TNRC6A: variants seen among roughly 807,000 people sequenced by gnomAD.
TNRC6A encodes trinucleotide repeat-containing gene 6A protein.
Under a neutral mutation model 221.2 loss-of-function variants are expected in TNRC6A, and 44 were observed. The ratio of observed to expected loss-of-function variants is 0.20; its 90% CI spans 0.16 to 0.26. TNRC6A has a LOEUF of 0.26. TNRC6A is among the 10% of genes least tolerant of loss of function. The probability of loss-of-function intolerance (pLI) is 1.00; values close to 1 mark genes in which losing one functional copy is unlikely to be tolerated. For synonymous variants in TNRC6A, 847 were observed against 838.5 expected (o/e 1.01, Z -0.18); for missense variants, 2,199 against 2,404.4 (o/e 0.91, Z 1.79).
intron 1 of TNRC6A, among the ~76,000 whole-genome samples, chr16:24,626,402 C>A (rs1045809672): frequency 1.3e-5 from 2 of 151,992 alleles, no homozygotes; most frequent in African/African-American, 4.8e-5. Flanking sequence ...AGAAGCTGCC[C>A]GCATGACTCA....
intron 2 of TNRC6A, among the ~76,000 whole-genome samples, chr16:24,735,292 G>A (rs554542594): frequency 1.3e-4 from 20 of 152,136 alleles, no homozygotes; most frequent in Admixed American, 3.3e-4. Context: ...AGAAAGAAAA[G>A]AAATGACTAG....
intron 2 of TNRC6A, among the ~76,000 whole-genome samples, chr16:24,693,251 T>G (rs1286700651): frequency 6.0e-5 from 9 of 150,818 alleles, no homozygotes; most frequent in Non-Finnish European, 1.3e-4. Context: ...GTCCAGGAGT[T>G]CAAGACCAGC....
chr16:24,677,828 T>C (rs1038993735), intron 2 of TNRC6A, among the ~76,000 whole-genome samples: 1 of 152,194 alleles, frequency 6.6e-6, no homozygotes, highest in Non-Finnish European at 1.5e-5. Context: ...ACCTCTTCCC[T>C]TGAACTGTTT....
rs1042113561 is a variant in TNRC6A, at chr16:24,729,754, G to C, written c.-88G>C. The C allele has an allele frequency of 3.0e-6, 4 of 1,334,934 alleles. No individual in the cohort carries two copies. In the East Asian group the frequency reaches 1.3e-4, roughly 42 times the overall value. The allele number at this position is 1,334,934 out of a possible 1,614,324, so 82.7% of individuals were successfully genotyped here. A position where few individuals can be genotyped will look rare whatever the true frequency, so the allele number is the denominator to read the frequency against. ...TGTAGAAAATGGCGCTGGTGCAGCG[G>C]CTCGGGCCTCTCCCCGCGGCGCTGC... On this transcript the variant is annotated 5_prime_UTR_variant, in exon 1 of 25. Coordinates refer to ENST00000395799, the MANE Select transcript of TNRC6A (RefSeq NM_014494.4).
intron 18 of TNRC6A, among the ~76,000 whole-genome samples, chr16:24,813,445 C>G (rs573954496): frequency 1.1e-4 from 17 of 152,308 alleles, no homozygotes; most frequent in African/African-American, 3.6e-4. Context: ...TTGATTTTCT[C>G]TTTAGTTCAC....
chr16:24,798,288 A>G (rs928460834), intron 11 of TNRC6A, among the ~76,000 whole-genome samples: 2 of 152,156 alleles, frequency 1.3e-5, no homozygotes, highest in Admixed American at 6.5e-5. Flanking sequence ...ACTATACTGG[A>G]GGAATGGCAA....
chr16:24,711,152 G>T (rs1020993452), intron 2 of TNRC6A, among the ~76,000 whole-genome samples: 1 of 152,050 alleles, frequency 6.6e-6, no homozygotes, highest in African/African-American at 2.4e-5. Context: ...TGGGATTACA[G>T]GCGCGCATTG....
rs75997926 is a variant in TNRC6A, at chr16:24,818,710, G to T, written c.5080+10G>T. On this transcript the variant is annotated intron_variant, in intron 21 of 24. Transcript: ENST00000395799. ...GCACAAAGCACTTCAGGTGGGCCTCGCCTTCGCTCAGGAAGGGAGGGTTGG... is the reference window on the plus strand; with the variant it reads ...GCACAAAGCACTTCAGGTGGGCCTCTCCTTCGCTCAGGAAGGGAGGGTTGG... The T allele has an allele frequency of 5.8e-3, 9,256 of 1,608,494 alleles. 467 individuals carry two copies. In the African/African-American group the frequency reaches 0.11, roughly 19 times the overall value.
At chr16:24,768,066 T>A (rs994003915) in intron 4 of TNRC6A, among the ~76,000 whole-genome samples, 1 of 152,194 alleles carries the variant, frequency 6.6e-6, no homozygotes, top group East Asian at 1.9e-4. Flanking sequence ...TAAGCAAATT[T>A]GAAGAGAGCC....
chr16:24,667,538 T>C (rs1282322023), intron 2 of TNRC6A, among the ~76,000 whole-genome samples: 1 of 152,120 alleles, frequency 6.6e-6, no homozygotes, highest in Non-Finnish European at 1.5e-5. Flanking sequence ...GTGACCACAA[T>C]GTGACAGACA....
chr16:24,632,711 T>G (rs879234729), intron 1 of TNRC6A, among the ~76,000 whole-genome samples: 1 of 151,978 alleles, frequency 6.6e-6, no homozygotes, highest in African/African-American at 2.4e-5. Flanking sequence ...GTCTTCACAT[T>G]AAAAATAAAA....
intron 22 of TNRC6A, chr16:24,821,771 A>T (rs938611502): frequency 1.0e-5 from 4 of 393,714 alleles, no homozygotes; most frequent in Non-Finnish European, 1.9e-5. Context: ...ACCGTTTGAG[A>T]TTATTTTAGC....
intron 5 of TNRC6A, chr16:24,778,381 G>C (rs2057770858): frequency 4.1e-6 from 4 of 984,780 alleles, no homozygotes; most frequent in Non-Finnish European, 4.8e-6. Context: ...ATCAAGATCT[G>C]TCTGACTCCA....
chr16:24,656,506 C>T (rs2054917838), intron 2 of TNRC6A, among the ~76,000 whole-genome samples: 1 of 149,592 alleles, frequency 6.7e-6, no homozygotes, highest in Non-Finnish European at 1.5e-5. Context: ...AAAAGAAGTA[C>T]ATATGCTTTT....
chr16:24,758,881 C>G (rs1279969318), intron 4 of TNRC6A, among the ~76,000 whole-genome samples: 2 of 151,902 alleles, frequency 1.3e-5, no homozygotes, highest in Admixed American at 1.3e-4. Context: ...AGACCCCAAG[C>G]AAAAGACATC....
Position 24,806,231 on chromosome 16 carries a change from C to G in TNRC6A, c.4277C>G (p.Ala1426Gly), listed in dbSNP as rs201497215. The change falls in exon 16 of 25, where the codon GCG (alanine) becomes GGG (glycine). Residue 1426 changes from alanine (A) to glycine (G), a missense_variant. Around this residue, in one of 8 missense-constraint regions of TNRC6A, gnomAD observed 449 missense variants for 579.7 expected, o/e 0.77. Coordinates refer to ENST00000395799, the MANE Select transcript of TNRC6A (RefSeq NM_014494.4). ...CGATTGTTAGCGCAGCAGCAAAGGG[C>G]GCAGAGTCAGAGAAGCGTGCCTTCT... The part of the protein sequence containing the change: ...LQRLLAQQQR[A>G]QSQRSVPSGN... 4 of 1,614,000 alleles carry G rather than the reference C, an allele frequency of 2.5e-6. No individual in the cohort carries two copies. Among genetic ancestry groups the G allele is most frequent in the Non-Finnish European group, 2.5e-6 (3 of 1,180,038 alleles).
chr16:24,823,260 G>C lies in TNRC6A; in HGVS notation c.5514-172G>C, dbSNP rs2303084. 0.15 allele frequency among the ~76,000 whole-genome samples: 22,181 copies of C among 152,216 alleles called. 1,825 individuals carry two copies. Among genetic ancestry groups the C allele is most frequent in the Non-Finnish European group, 0.19 (13,017 of 67,974 alleles). On this transcript the variant is annotated intron_variant, in intron 24 of 24. Transcript: ENST00000395799. The surrounding 1 kb of genome is among the most constrained non-coding windows in gnomAD (Gnocchi z 4.3). ...TGGGCAAGGCACCAGGCCCTGGAGA[G>C]CTGTGGGTGCACACTCGGGTGAAGG...
chr16:24,706,649 G>T (rs916967237), intron 2 of TNRC6A, among the ~76,000 whole-genome samples: 11 of 144,544 alleles, frequency 7.6e-5, no homozygotes, highest in Non-Finnish European at 1.3e-4. Context: ...CCCAGATCGC[G>T]CTACTGCACT....
At chr16:24,765,426 C>G (rs1374734654) in intron 4 of TNRC6A, among the ~76,000 whole-genome samples, 1 of 152,220 alleles carries the variant, frequency 6.6e-6, no homozygotes, top group African/African-American at 2.4e-5. Flanking sequence ...GTTTCCATCA[C>G]ACAGGTTGGG....
Sources: gnomAD v4.1 joint callset for allele counts (sites outside exome capture counted in the v4.1 genomes callset) on GRCh38, gnomAD v4.1.1 for gene constraint, gnomAD v4.1.1 regional missense constraint, Gnocchi (gnomAD v3.1) non-coding constraint, MANE v1.5 for transcripts, NCBI Gene and HGNC (gene_info 2026-07-23, HGNC 2026-07-21) for gene names.